Variants in MIS18A observed in about 807,000 individuals in gnomAD.
MIS18A encodes MIS18 kinetochore protein A, also known as protein Mis18-alpha.
MIS18A carries 14 observed loss-of-function variants against 25.0 expected under a neutral mutation model. That is an observed-to-expected ratio of 0.56 (90% confidence interval 0.37 to 0.88). The LOEUF (loss-of-function observed/expected upper bound fraction) is 0.88. MIS18A is among the 40% of genes least tolerant of loss of function. The pLI, the probability that MIS18A is intolerant of heterozygous loss-of-function variation, is 0.00. For synonymous variants in MIS18A, 134 were observed against 118.6 expected, an observed-to-expected ratio of 1.13 and a Z score of -0.84; for missense variants, 292 against 290.8, an observed-to-expected ratio of 1.00 and a Z score of -0.03.
chr21:32,248,368 T>C, the MIS18A span, among the ~76,000 whole-genome samples: 1 of 152,170 alleles, frequency 6.6e-6, no homozygotes, highest in South Asian at 2.1e-4. Context: ...TATAGGGATC[T>C]GCACTCAAGC....
At chr21:32,203,912 C>T in the MIS18A span, among the ~76,000 whole-genome samples, 2 of 151,970 alleles carry the variant, frequency 1.3e-5, no homozygotes, top group Non-Finnish European at 2.9e-5. Flanking sequence ...AGCCACTGTG[C>T]CCAGCCCAGC....
At chr21:32,259,026 A>G in the MIS18A span, among the ~76,000 whole-genome samples, 1 of 460 alleles carries the variant, frequency 2.2e-3, no homozygotes, top group African/African-American at 7.8e-3. Flanking sequence ...AGTGCACGCT[A>G]CCACTGCTAA....
the MIS18A span, among the ~76,000 whole-genome samples, chr21:32,237,735 T>C: frequency 6.6e-6 from 1 of 152,198 alleles, no homozygotes; most frequent in Non-Finnish European, 1.5e-5. Flanking sequence ...AATTGTAGAA[T>C]TATATTCCTG....
At chr21:32,276,887 C>T (rs527992668) in intron 1 of MIS18A, among the ~76,000 whole-genome samples, 34 of 152,124 alleles carry the variant, frequency 2.2e-4, no homozygotes, top group African/African-American at 7.2e-4. Context: ...GCTATGATTG[C>T]GCCACTGTAC....
chr21:32,192,228 C>G, the MIS18A span, among the ~76,000 whole-genome samples: 1 of 152,176 alleles, frequency 6.6e-6, no homozygotes, highest in South Asian at 2.1e-4. Context: ...GACAAGCAGT[C>G]TGGCATTTGC....
the MIS18A span, among the ~76,000 whole-genome samples, chr21:32,247,311 A>C: frequency 6.6e-6 from 1 of 152,154 alleles, no homozygotes; most frequent in Non-Finnish European, 1.5e-5. Context: ...GATTTGTTTC[A>C]CAGCTCCAGG....
chr21:32,236,485 C>A, the MIS18A span, among the ~76,000 whole-genome samples: 1 of 152,032 alleles, frequency 6.6e-6, no homozygotes, highest in African/African-American at 2.4e-5. Context: ...AATTCAAAAT[C>A]TATTTATCTA....
the MIS18A span, among the ~76,000 whole-genome samples, chr21:32,178,145 C>T: frequency 6.6e-6 from 1 of 152,214 alleles, no homozygotes; most frequent in Admixed American, 6.5e-5. Context: ...ATCTCAAACT[C>T]CTGGGCTCAA....
At chr21:32,193,551 A>G in the MIS18A span, among the ~76,000 whole-genome samples, 1 of 152,226 alleles carries the variant, frequency 6.6e-6, no homozygotes, top group African/African-American at 2.4e-5. Context: ...ATCGAGCTAA[A>G]ACCATAATGA....
At chr21:32,257,393 C>A in the MIS18A span, among the ~76,000 whole-genome samples, 4 of 152,192 alleles carry the variant, frequency 2.6e-5, no homozygotes, top group Non-Finnish European at 4.4e-5. Context: ...TCAAGAATTT[C>A]TTCAAGACAT....
downstream of MIS18A, among the ~76,000 whole-genome samples, chr21:32,267,287 T>C (rs75894851): frequency 0.024 from 3,675 of 152,300 alleles, 160 homozygotes; most frequent in African/African-American, 0.084. Flanking sequence ...GTGGAGACCA[T>C]GTAATACAAA....
At chr21:32,155,785 T>C in the MIS18A span, among the ~76,000 whole-genome samples, 2 of 152,168 alleles carry the variant, frequency 1.3e-5, no homozygotes, top group Non-Finnish European at 2.9e-5. Context: ...TTGTGTGCAA[T>C]GCTAGTTTTA....
the MIS18A span, among the ~76,000 whole-genome samples, chr21:32,239,050 TG>T: frequency 6.6e-6 from 1 of 152,216 alleles, no homozygotes. Flanking sequence ...AAATTATATA[TG>T]TGTACTGGGA....
At chr21:32,174,810 T>C in the MIS18A span, among the ~76,000 whole-genome samples, 7 of 152,276 alleles carry the variant, frequency 4.6e-5, no homozygotes, top group African/African-American at 1.7e-4. Context: ...TTCAATGACA[T>C]AGAATATACA....
the MIS18A span, among the ~76,000 whole-genome samples, chr21:32,258,739 G>GT: frequency 6.6e-6 from 1 of 152,160 alleles, no homozygotes; most frequent in South Asian, 2.1e-4. Flanking sequence ...AAGTCAGCTC[G>GT]TGTCACACTT....
chr21:32,166,974 A>G, the MIS18A span, among the ~76,000 whole-genome samples: 1 of 152,210 alleles, frequency 6.6e-6, no homozygotes, highest in African/African-American at 2.4e-5. Context: ...GATGGGCTCG[A>G]GAGTAATTCA....
chr21:32,264,816 G>A (rs190768705), downstream of MIS18A, among the ~76,000 whole-genome samples: 19 of 152,262 alleles, frequency 1.2e-4, no homozygotes, highest in East Asian at 1.9e-3. Flanking sequence ...AGAATCATCC[G>A]GGTAGGACAC....
At chr21:32,246,804 C>T in the MIS18A span, among the ~76,000 whole-genome samples, 8,853 of 152,262 alleles carry the variant, frequency 0.058, 333 homozygotes, top group Middle Eastern at 0.12. Flanking sequence ...TCTGCCAGAG[C>T]GGGAGCTGGG....
the MIS18A span, among the ~76,000 whole-genome samples, chr21:32,232,724 A>C: frequency 2.0e-5 from 3 of 151,652 alleles, no homozygotes; most frequent in Non-Finnish European, 4.4e-5. Flanking sequence ...ACAAAGAATT[A>C]AAACTGTGGT....
Sources: gnomAD v4.1 joint callset for allele counts (sites outside exome capture counted in the v4.1 genomes callset) on GRCh38, gnomAD v4.1.1 for gene constraint, MANE v1.5 for transcripts, NCBI Gene and HGNC (gene_info 2026-07-23, HGNC 2026-07-21) for gene names.